The following RAD51AP1 variants were observed in gnomAD, a reference collection of about 807,000 sequenced individuals.
RAD51AP1 encodes RAD51 associated protein 1.
Under a neutral mutation model 34.3 loss-of-function variants are expected in RAD51AP1, and 14 were observed. That is an observed-to-expected ratio of 0.41 (90% CI 0.27 to 0.64). The LOEUF (loss-of-function observed/expected upper bound fraction) is 0.64, where lower values mean the gene tolerates loss of function less well. Among genes scored for constraint, RAD51AP1 ranks in the 30% least tolerant of loss-of-function variants. RAD51AP1 has a pLI of 0.33. For missense variants in RAD51AP1, 348 were observed against 386.9 expected (o/e 0.90, Z 0.84); for synonymous variants, 114 against 129.8 (o/e 0.88, Z 0.83).
At chr12:4,539,992 T>C (rs963133160) in intron 1 of RAD51AP1, among the ~76,000 whole-genome samples, 4 of 152,110 alleles carry the variant, frequency 2.6e-5, no homozygotes, top group Non-Finnish European at 5.9e-5. Flanking sequence ...AATCAGGTAT[T>C]ATATCATTGG....
At position 4,548,255 on chromosome 12, in the gene RAD51AP1, G is replaced by A. The variant is rs1944521257; in HGVS notation, c.406+77G>A. On this transcript the variant is annotated intron_variant, in intron 5 of 8. Transcript: ENST00000352618. Reference sequence around the variant, plus strand: ...CTTTTGTTTAAATTGCTGAAATTGTGGCTAGAAGCAAGTTCTTTAAATTTG... The same window carrying A: ...CTTTTGTTTAAATTGCTGAAATTGTAGCTAGAAGCAAGTTCTTTAAATTTG... 8 of 1,548,042 alleles carry A rather than the reference G, an allele frequency of 5.2e-6. No individual in the cohort carries two copies. In the East Asian group the frequency reaches 1.9e-4, roughly 36 times the overall value.
At chr12:4,541,583 A>C (rs1944466872) in intron 1 of RAD51AP1, among the ~76,000 whole-genome samples, 1 of 152,130 alleles carries the variant, frequency 6.6e-6, no homozygotes, top group African/African-American at 2.4e-5. Flanking sequence ...TTTATCATAT[A>C]ATTGAAAAGC....
Position 4,543,209 on chromosome 12 carries a change from G to A in RAD51AP1, c.68-554G>A, listed in dbSNP as rs868360457. Among the ~76,000 whole-genome samples, 13 of 152,114 alleles carry A rather than the reference G, an allele frequency of 8.5e-5. No individual in the cohort carries two copies. In the Middle Eastern group the frequency reaches 0.017, roughly 199 times the overall value. On this transcript the variant is annotated intron_variant, in intron 2 of 8. Coordinates refer to ENST00000352618, the MANE Select transcript of RAD51AP1 (RefSeq NM_006479.5). Reference sequence around the variant, plus strand: ...TGAGTAGCTGGGATTATAGGTGTCCGCCACCATGCCTGGCTAATTTTTGTA... The same window carrying A: ...TGAGTAGCTGGGATTATAGGTGTCCACCACCATGCCTGGCTAATTTTTGTA...
At chr12:4,547,262 C>T (rs1446872177) in intron 4 of RAD51AP1, among the ~76,000 whole-genome samples, 2 of 151,986 alleles carry the variant, frequency 1.3e-5, no homozygotes, top group Non-Finnish European at 2.9e-5. Context: ...AGGGGTCTCA[C>T]TATGTTGCGC....
chr12:4,557,806 G>A (rs1292332280), intron 8 of RAD51AP1, among the ~76,000 whole-genome samples: 1 of 152,142 alleles, frequency 6.6e-6, no homozygotes, highest in African/African-American at 2.4e-5. Flanking sequence ...TAGGAATTTT[G>A]TTGGACTCAG....
At chr12:4,547,677 G>T (rs953333348) in intron 4 of RAD51AP1, among the ~76,000 whole-genome samples, 1 of 152,190 alleles carries the variant, frequency 6.6e-6, no homozygotes, top group Non-Finnish European at 1.5e-5. Flanking sequence ...CTTAACGTTA[G>T]TAAAAGCATG....
chr12:4,551,368 G>T (rs1250154532), intron 6 of RAD51AP1, among the ~76,000 whole-genome samples: 1 of 151,818 alleles, frequency 6.6e-6, no homozygotes. Flanking sequence ...GGTGTTGTGT[G>T]CCTGTAATCC....
Position 4,541,943 on chromosome 12 carries a change from G to A in RAD51AP1, c.67+10G>A, listed in dbSNP as rs199522662. The A allele has an allele frequency of 6.7e-7, 1 of 1,499,466 alleles. No homozygotes were observed. Among genetic ancestry groups the A allele is most frequent in the South Asian group, 1.4e-5 (1 of 71,156 alleles). The allele number at this position is 1,499,466 out of a possible 1,614,324, so 92.9% of individuals were successfully genotyped here. A position where few individuals can be genotyped will look rare whatever the true frequency, so the allele number is the denominator to read the frequency against. ...CACTCTGACAGTGATGGTAAGTAAAGCTTCTTATTTTTGTTCTAAAGATTT... is the reference window on the plus strand; with the variant it reads ...CACTCTGACAGTGATGGTAAGTAAAACTTCTTATTTTTGTTCTAAAGATTT... On this transcript the variant is annotated intron_variant, in intron 2 of 8. Coordinates refer to ENST00000352618, the MANE Select transcript of RAD51AP1 (RefSeq NM_006479.5).
chr12:4,548,155 G>A lies in RAD51AP1; in HGVS notation c.383G>A (p.Cys128Tyr). 6.2e-7 allele frequency: 1 copy of A among 1,601,818 alleles called. No homozygotes were observed. The highest frequency in any genetic ancestry group is 1.2e-5 in the South Asian group (1 of 86,766). Residue 128 changes from cysteine (C) to tyrosine (Y), a missense_variant, in exon 5 of 9, where the codon TGC becomes TAC. Cys to Tyr is a radical substitution (Grantham distance 194). Coordinates refer to ENST00000352618, the MANE Select transcript of RAD51AP1 (RefSeq NM_006479.5). Reference sequence around the variant, plus strand: ...AATAAGTCTCCTCATATCTCTAATTGCAGTGTAGCCAGTGATTATTTAGGT... The same window carrying A: ...AATAAGTCTCCTCATATCTCTAATTACAGTGTAGCCAGTGATTATTTAGGT... ...TMNKSPHISN[C>Y]SVASDYLDLD...
At chr12:4,553,944 T>A (rs946883796) in intron 7 of RAD51AP1, among the ~76,000 whole-genome samples, 5 of 152,202 alleles carry the variant, frequency 3.3e-5, no homozygotes, top group African/African-American at 1.2e-4. Context: ...TTCAGTAGCC[T>A]GTTGCTGAGT....
At chr12:4,546,043 G>A (rs551641727) in intron 3 of RAD51AP1, among the ~76,000 whole-genome samples, 2 of 152,244 alleles carry the variant, frequency 1.3e-5, no homozygotes, top group African/African-American at 2.4e-5. Context: ...CTGGTAGTAA[G>A]GTGACACATT....
At chr12:4,553,724 T>C (rs962880385) in intron 7 of RAD51AP1, among the ~76,000 whole-genome samples, 20 of 151,948 alleles carry the variant, frequency 1.3e-4, no homozygotes, top group African/African-American at 4.6e-4. Context: ...GACTCGAACA[T>C]GGAATACCTG....
intron 3 of RAD51AP1, among the ~76,000 whole-genome samples, chr12:4,544,194 A>G (rs1944489805): frequency 1.3e-5 from 2 of 151,834 alleles, no homozygotes; most frequent in Admixed American, 6.6e-5. Flanking sequence ...TCCTCAAATC[A>G]TACGAGACTA....
chr12:4,557,327 C>T (rs1944589513), intron 8 of RAD51AP1, among the ~76,000 whole-genome samples: 1 of 152,100 alleles, frequency 6.6e-6, no homozygotes, highest in Non-Finnish European at 1.5e-5. Context: ...GATTGGTCCA[C>T]AGTGCTCACT....
intron 3 of RAD51AP1, 151 bp downstream of exon 3, chr12:4,544,055 T>A (rs2137249444): frequency 1.9e-6 from 1 of 533,538 alleles, no homozygotes; most frequent in East Asian, 3.3e-5. Context: ...GTACTATTTT[T>A]TTCTGGCTTT....
chr12:4,559,020 G>A lies in RAD51AP1; in HGVS notation c.*27G>A. ...TGTGGTACAGGAGGAATGTTTGGTT[G>A]GGAGAATCACAGCTTTACAAGGGTG... On this transcript the variant is annotated 3_prime_UTR_variant, in exon 9 of 9. Coordinates refer to ENST00000352618, the MANE Select transcript of RAD51AP1 (RefSeq NM_006479.5). 3 of 1,610,300 alleles carry A rather than the reference G, an allele frequency of 1.9e-6. No homozygotes were observed. The highest frequency in any genetic ancestry group is 2.5e-6 in the Non-Finnish European group (3 of 1,177,560).
chr12:4,552,883 G>C (rs1454327183), intron 6 of RAD51AP1, 100 bp from the exon 7 acceptor site: 1 of 1,158,738 alleles, frequency 8.6e-7, no homozygotes, highest in Non-Finnish European at 1.2e-6. Context: ...AAACAGTGCA[G>C]CACAAAGGTG....
chr12:4,545,139 A>C, intron 3 of RAD51AP1: 1 of 418,498 alleles, frequency 2.4e-6, no homozygotes, highest in Non-Finnish European at 4.7e-6. Flanking sequence ...AGCTAAAAAA[A>C]AATGGAGGCA....
chr12:4,552,070 A>G (rs1944550900), intron 6 of RAD51AP1, among the ~76,000 whole-genome samples: 1 of 152,094 alleles, frequency 6.6e-6, no homozygotes, highest in Non-Finnish European at 1.5e-5. Context: ...TATGGTCTGT[A>G]TTTTCTACAA....
Sources: allele counts gnomAD v4.1 joint callset (sites outside exome capture counted in the v4.1 genomes callset), GRCh38; gene constraint gnomAD v4.1.1; transcripts MANE v1.5; gene names NCBI Gene and HGNC (gene_info 2026-07-23, HGNC 2026-07-21).